Variants in THRB observed in about 807,000 individuals in gnomAD.
THRB encodes nuclear receptor subfamily 1 group A member 2.
THRB carries 12 observed loss-of-function variants against 47.8 expected under a neutral mutation model. The ratio of observed to expected loss-of-function variants is 0.25; its 90% CI spans 0.16 to 0.41. The LOEUF is 0.41. Among genes scored for constraint, THRB ranks in the 10% least tolerant of loss-of-function variants. The pLI is 1.00. For synonymous variants in THRB, 218 were observed against 212.2 expected, an observed-to-expected ratio of 1.03 and a Z score of -0.24; for missense variants, 348 against 589.2, an observed-to-expected ratio of 0.59 and a Z score of 4.24.
chr3:24,248,120 A>G (rs548767936), intron 3 of THRB, among the ~76,000 whole-genome samples: 3 of 152,208 alleles, frequency 2.0e-5, no homozygotes, highest in East Asian at 3.9e-4. Context: ...AACTTCTATT[A>G]ATAATCAGTG....
intron 1 of THRB, among the ~76,000 whole-genome samples, chr3:24,401,124 A>G (rs28464948): frequency 6.6e-6 from 1 of 151,938 alleles, no homozygotes; most frequent in Non-Finnish European, 1.5e-5. Flanking sequence ...AAAAAAGTCC[A>G]TCCCTTTTAT....
At chr3:24,254,794 A>T (rs1380069788) in intron 3 of THRB, among the ~76,000 whole-genome samples, 1 of 152,210 alleles carries the variant, frequency 6.6e-6, no homozygotes, top group Non-Finnish European at 1.5e-5. Context: ...CATAACCAGC[A>T]CGTACACCAT....
At chr3:24,357,375 C>CAAAAAAAAAAAAAAAAAA (rs1184114826) in intron 1 of THRB, among the ~76,000 whole-genome samples, 1 of 72,900 alleles carries the variant, frequency 1.4e-5, no homozygotes, top group African/African-American at 4.5e-5. Context: ...AAAAAAAAAA[C>CAAAAAAAAAAAAAAAAAA]AAAAAACAAA....
At chr3:24,274,304 C>T (rs1372192377) in intron 3 of THRB, among the ~76,000 whole-genome samples, 1 of 152,124 alleles carries the variant, frequency 6.6e-6, no homozygotes, top group Admixed American at 6.6e-5. Context: ...TATTGAAATA[C>T]TGTTTATATG....
At chr3:24,314,531 A>G (rs2057981910) in intron 2 of THRB, among the ~76,000 whole-genome samples, 1 of 152,184 alleles carries the variant, frequency 6.6e-6, no homozygotes, top group South Asian at 2.1e-4. Flanking sequence ...TTTAAATAAC[A>G]TCAAACTGCC....
chr3:24,123,269 GT>G, intron 10 of THRB, 144 bp from the exon 11 acceptor site: 1 of 1,164,840 alleles, frequency 8.6e-7, no homozygotes, highest in South Asian at 1.3e-5. Context: ...GTGAACTCTG[GT>G]GCTCCAGGGA....
At chr3:24,441,128 T>C (rs887141264) in intron 1 of THRB, among the ~76,000 whole-genome samples, 7 of 152,212 alleles carry the variant, frequency 4.6e-5, no homozygotes, top group African/African-American at 1.7e-4. Flanking sequence ...AGGGCTGTTC[T>C]CAGTTCCTAA....
Position 24,118,960 on chromosome 3 carries a change from T to A in THRB, c.*3924A>T, listed in dbSNP as rs1017568894. Reference sequence around the variant, plus strand: ...ATTCTGTGATAAGGCCAAACCTTTTTTCCCCCAGTCTGGTTTTTTTTTTTT... The same window carrying A: ...ATTCTGTGATAAGGCCAAACCTTTTATCCCCCAGTCTGGTTTTTTTTTTTT... On this transcript the variant is annotated 3_prime_UTR_variant, in exon 11 of 11. Transcript: ENST00000646209. 1 of 149,884 alleles carries A rather than the reference T, an allele frequency of 6.7e-6. No individual in the cohort carries two copies. The highest frequency in any genetic ancestry group is 2.5e-5 in the African/African-American group (1 of 40,300). 9.3% of individuals were successfully genotyped at this position (149,884 alleles called of 1,614,324 possible).
intron 5 of THRB, among the ~76,000 whole-genome samples, chr3:24,188,712 T>A (rs552260687): frequency 1.6e-4 from 25 of 151,516 alleles, no homozygotes; most frequent in African/African-American, 3.4e-4. Context: ...TAAGAGTAAA[T>A]CTCAATTGTA....
chr3:24,332,494 TG>T (rs1453895141), intron 2 of THRB, among the ~76,000 whole-genome samples: 1 of 152,250 alleles, frequency 6.6e-6, no homozygotes, highest in African/African-American at 2.4e-5. Context: ...TGTATTATGT[TG>T]GTATACTTTG....
chr3:24,418,135 G>A (rs2068910064), intron 1 of THRB, among the ~76,000 whole-genome samples: 1 of 151,376 alleles, frequency 6.6e-6, no homozygotes, highest in Admixed American at 6.6e-5. Flanking sequence ...CTTGCTTAAA[G>A]TCGATTCTAC....
intron 1 of THRB, among the ~76,000 whole-genome samples, chr3:24,404,628 T>C (rs1417302625): frequency 6.6e-6 from 1 of 151,928 alleles, no homozygotes; most frequent in Non-Finnish European, 1.5e-5. Flanking sequence ...AAAATTTAAC[T>C]ATTGTCATGA....
intron 1 of THRB, among the ~76,000 whole-genome samples, chr3:24,356,048 C>A (rs1050131748): frequency 6.6e-6 from 1 of 152,176 alleles, no homozygotes; most frequent in African/African-American, 2.4e-5. Flanking sequence ...ACCTGTGAAA[C>A]CAGACAAATT....
chr3:24,177,279 G>A (rs2041283361), intron 5 of THRB, among the ~76,000 whole-genome samples: 1 of 152,122 alleles, frequency 6.6e-6, no homozygotes, highest in African/African-American at 2.4e-5. Context: ...TAAGACAAAT[G>A]CCAGCCAGCC....
intron 1 of THRB, among the ~76,000 whole-genome samples, chr3:24,493,395 T>C (rs764533847): frequency 6.6e-6 from 1 of 152,236 alleles, no homozygotes; most frequent in Non-Finnish European, 1.5e-5. Flanking sequence ...ATGTGAAGAT[T>C]GCCCAACAGG....
chr3:24,175,965 C>A (rs562360975), intron 5 of THRB, among the ~76,000 whole-genome samples: 26 of 152,258 alleles, frequency 1.7e-4, no homozygotes, highest in Admixed American at 1.5e-3. Flanking sequence ...CCCACTTCCA[C>A]GCTATGCTTT....
intron 2 of THRB, among the ~76,000 whole-genome samples, chr3:24,325,658 G>A (rs1359464172): frequency 6.6e-6 from 1 of 152,180 alleles, no homozygotes; most frequent in African/African-American, 2.4e-5. Context: ...CTGCACTCCA[G>A]CCTGGGCGAC....
intron 1 of THRB, among the ~76,000 whole-genome samples, chr3:24,426,243 C>A (rs1042569764): frequency 1.3e-5 from 2 of 151,836 alleles, no homozygotes; most frequent in African/African-American, 4.8e-5. Flanking sequence ...AATAAAATAA[C>A]TTTATGTTAT....
At chr3:24,330,175 C>T (rs1270505174) in intron 2 of THRB, among the ~76,000 whole-genome samples, 6 of 152,004 alleles carry the variant, frequency 3.9e-5, no homozygotes, top group East Asian at 1.9e-4. Flanking sequence ...GGCGCGGTGG[C>T]GGGCGCCTGT....
Sources: allele counts gnomAD v4.1 joint callset (sites outside exome capture counted in the v4.1 genomes callset), GRCh38; gene constraint gnomAD v4.1.1; transcripts MANE v1.5; gene names NCBI Gene and HGNC (gene_info 2026-07-23, HGNC 2026-07-21).